SLC12A5: variants seen among roughly 807,000 people sequenced by gnomAD.
SLC12A5 encodes K-Cl cotransporter 2.
A neutral mutation model predicts 124.0 loss-of-function variants in SLC12A5; 18 were observed. The observed-to-expected ratio is 0.15, with a 90% CI of 0.10 to 0.22. The LOEUF (loss-of-function observed/expected upper bound fraction) is 0.22. Among genes scored for constraint, SLC12A5 ranks in the 10% least tolerant of loss-of-function variants. The pLI is 1.00. For synonymous variants in SLC12A5, 589 were observed against 568.0 expected (o/e 1.04, Z -0.53); for missense variants, 867 against 1,478.7 (o/e 0.59, Z 6.78).
intron 6 of SLC12A5, among the ~76,000 whole-genome samples, chr20:46,039,691 C>T (rs1257476522): frequency 1.3e-5 from 2 of 152,096 alleles, no homozygotes; most frequent in African/African-American, 4.8e-5. Context: ...AGGAGAATCA[C>T]TTGAACCCAG....
Position 46,059,327 on chromosome 20 carries a change from T to C in SLC12A5, c.*1722T>C, listed in dbSNP as rs1256926107. On this transcript the variant is annotated 3_prime_UTR_variant, in exon 26 of 26. Transcript: ENST00000243964. ...GGCGCCACCCAGACAGCGTCAGGTGTGGCTGGGGTAGGTTTGGAGGTCTGC... is the reference window on the plus strand; with the variant it reads ...GGCGCCACCCAGACAGCGTCAGGTGCGGCTGGGGTAGGTTTGGAGGTCTGC... The C allele has an allele frequency of 5.4e-6, 2 of 369,956 alleles. No individual in the cohort carries two copies. The highest frequency in any genetic ancestry group is 9.6e-6 in the Non-Finnish European group (2 of 208,562). The allele number at this position is 369,956 out of a possible 1,614,324, so 22.9% of individuals were successfully genotyped here. A position where few individuals can be genotyped will look rare whatever the true frequency, so the allele number is the denominator to read the frequency against.
At chr20:46,027,662 G>A (rs988271213), upstream of SLC12A5, 4 of 152,216 alleles carry the variant, frequency 2.6e-5, no homozygotes, top group African/African-American at 9.7e-5. Context: ...TTGTTTTTCA[G>A]GAGCTAATAA....
chr20:46,051,952 G>C, intron 18 of SLC12A5, 82 bp downstream of exon 18: 1 of 1,214,268 alleles, frequency 8.2e-7, no homozygotes, highest in South Asian at 1.6e-5. Flanking sequence ...CGCTCCTTTG[G>C]GCCTGAGGGG....
At chr20:46,041,928 G>C (rs1291462327) in intron 8 of SLC12A5, among the ~76,000 whole-genome samples, 4 of 152,102 alleles carry the variant, frequency 2.6e-5, no homozygotes, top group Non-Finnish European at 5.9e-5. Flanking sequence ...AGAATGCCCG[G>C]GGGGGGAGAG....
intron 14 of SLC12A5, 139 bp downstream of exon 14, chr20:46,046,575 A>G: frequency 1.5e-6 from 1 of 678,286 alleles, no homozygotes; most frequent in East Asian, 2.7e-5. Context: ...GCTTTTGTTG[A>G]CCAACTCACA....
intron 3 of SLC12A5, 73 bp from the exon 4 acceptor site, chr20:46,035,704 C>T: frequency 6.4e-7 from 1 of 1,551,204 alleles, no homozygotes; most frequent in South Asian, 1.2e-5. Flanking sequence ...GGCAGAGAAA[C>T]ATGGAGGAGG....
chr20:46,058,506 G>T lies in SLC12A5; in HGVS notation c.*901G>T. On this transcript the variant is annotated 3_prime_UTR_variant, in exon 26 of 26. Coordinates refer to ENST00000243964, the MANE Select transcript of SLC12A5 (RefSeq NM_020708.5). The surrounding 1 kb of genome is among the most constrained non-coding windows in gnomAD (Gnocchi z 5.8). Reference sequence around the variant, plus strand: ...AGACGCGAGCAACCTCTTCTCATCGGCTCTTATGCAAGTTGGGGCCAGGAT... The same window carrying T: ...AGACGCGAGCAACCTCTTCTCATCGTCTCTTATGCAAGTTGGGGCCAGGAT... 1 of 399,170 alleles carries T rather than the reference G, an allele frequency of 2.5e-6. No homozygotes were observed. The highest frequency in any genetic ancestry group is 1.3e-4 in the South Asian group (1 of 7,858). The allele number at this position is 399,170 out of a possible 1,614,324, so 24.7% of individuals were successfully genotyped here. A position where few individuals can be genotyped will look rare whatever the true frequency, so the allele number is the denominator to read the frequency against.
At chr20:46,040,978 T>C (rs1383955100) in intron 7 of SLC12A5, 4 of 392,440 alleles carry the variant, frequency 1.0e-5, no homozygotes, top group South Asian at 2.7e-5. Context: ...GGACAACTCC[T>C]CCAGGATGGG....
At chr20:46,035,717 C>A in intron 3 of SLC12A5, 60 bp from the exon 4 acceptor site, 1 of 1,561,594 alleles carries the variant, frequency 6.4e-7, no homozygotes, top group Non-Finnish European at 8.7e-7. Flanking sequence ...GGAGGAGGAG[C>A]ACACCTGGGG....
intron 16 of SLC12A5, among the ~76,000 whole-genome samples, chr20:46,048,644 G>A (rs2084620772): frequency 6.6e-6 from 1 of 152,148 alleles, no homozygotes; most frequent in Non-Finnish European, 1.5e-5. Flanking sequence ...GCTGAGGCAG[G>A]TGGATCACTT....
In SLC12A5 at chr20:46,059,663, G is replaced by A. The variant is rs7266662; in HGVS notation, c.*2058G>A. Reference sequence around the variant, plus strand: ...CAGACATCCCACAACAAAAACCCAAGTTTTCTGTGCTACATGTGCAATATT... The same window carrying A: ...CAGACATCCCACAACAAAAACCCAAATTTTCTGTGCTACATGTGCAATATT... On this transcript the variant is annotated 3_prime_UTR_variant, in exon 26 of 26. Coordinates refer to ENST00000243964, the MANE Select transcript of SLC12A5 (RefSeq NM_020708.5). 0.19 allele frequency: 75,046 copies of A among 398,854 alleles called. 7,591 individuals carry two copies. Among genetic ancestry groups the A allele is most frequent in the South Asian group, 0.29 (2,277 of 7,862 alleles). The allele number at this position is 398,854 out of a possible 1,614,324, so 24.7% of individuals were successfully genotyped here.
intron 16 of SLC12A5, 70 bp from the exon 17 acceptor site, chr20:46,049,552 T>C (rs1459442853): frequency 3.9e-6 from 6 of 1,532,914 alleles, no homozygotes; most frequent in Non-Finnish European, 5.3e-6. Flanking sequence ...GATGACCTGG[T>C]GGTGGGTGTA....
chr20:46,022,766 C>A, intron 1 of SLC12A5: 1 of 398,538 alleles, frequency 2.5e-6, no homozygotes, highest in Admixed American at 4.4e-5. Flanking sequence ...AAGTTACACG[C>A]AGGGCACAGA....
chr20:46,059,204 C>T lies in SLC12A5; in HGVS notation c.*1599C>T. The T allele has an allele frequency of 4.3e-6, 1 of 232,566 alleles. No individual in the cohort carries two copies. The allele number at this position is 232,566 out of a possible 1,614,324, so 14.4% of individuals were successfully genotyped here. On this transcript the variant is annotated 3_prime_UTR_variant, in exon 26 of 26. Coordinates refer to ENST00000243964, the MANE Select transcript of SLC12A5 (RefSeq NM_020708.5). ...CAGCCCCAGGGCCCTGACCTGCGCA[C>T]CTAGCTTGACATCTCACGCACCTCC... is the stretch of plus-strand genomic sequence containing the variant.
intron 1 of SLC12A5, among the ~76,000 whole-genome samples, chr20:46,033,759 G>A (rs2084474002): frequency 6.6e-6 from 1 of 152,170 alleles, no homozygotes; most frequent in Middle Eastern, 3.4e-3. Context: ...ATTATCCTAG[G>A]TTCTTCCTCT....
chr20:46,058,509 C>G lies in SLC12A5; in HGVS notation c.*904C>G, dbSNP rs1158235564. On this transcript the variant is annotated 3_prime_UTR_variant, in exon 26 of 26. Coordinates refer to ENST00000243964, the MANE Select transcript of SLC12A5 (RefSeq NM_020708.5). This position sits in a 1 kb window ranked among gnomAD's most constrained non-coding sequence, Gnocchi z 5.8. ...CGCGAGCAACCTCTTCTCATCGGCT[C>G]TTATGCAAGTTGGGGCCAGGATAGG... The G allele has an allele frequency of 3.0e-5, 12 of 399,040 alleles. No individual in the cohort carries two copies. The highest frequency in any genetic ancestry group is 4.9e-5 in the Non-Finnish European group (11 of 226,178). The allele number at this position is 399,040 out of a possible 1,614,324, so 24.7% of individuals were successfully genotyped here.
intron 17 of SLC12A5, among the ~76,000 whole-genome samples, chr20:46,050,924 G>C (rs1412084072): frequency 6.6e-6 from 1 of 152,190 alleles, no homozygotes; most frequent in Non-Finnish European, 1.5e-5. Context: ...ATGACATGTG[G>C]TTCTCCCTAT....
intron 5 of SLC12A5, 152 bp from the exon 6 acceptor site, chr20:46,037,103 G>A: frequency 8.5e-7 from 1 of 1,178,264 alleles, no homozygotes; most frequent in Non-Finnish European, 1.2e-6. Flanking sequence ...GTGGTTGCTT[G>A]GGTCTCTCAC....
At chr20:46,043,795 T>A (rs2084569645) in intron 10 of SLC12A5, 64 bp downstream of exon 10, 1 of 1,610,188 alleles carries the variant, frequency 6.2e-7, no homozygotes. Flanking sequence ...CAGCTGAACT[T>A]GCTGCCTTAC....
Sources: allele counts gnomAD v4.1 joint callset (sites outside exome capture counted in the v4.1 genomes callset), GRCh38; gene constraint gnomAD v4.1.1; non-coding constraint Gnocchi (gnomAD v3.1); transcripts MANE v1.5; gene names NCBI Gene and HGNC (gene_info 2026-07-23, HGNC 2026-07-21).